Variants in SLC25A21 observed in about 807,000 individuals in gnomAD.
SLC25A21 encodes mitochondrial 2-oxodicarboxylate carrier.
SLC25A21 carries 47 observed loss-of-function variants against 43.8 expected under a neutral mutation model. The ratio of observed to expected loss-of-function variants is 1.07; its 90% CI spans 0.85 to 1.37. The LOEUF is 1.37. Ranked by LOEUF, SLC25A21 falls within the 40% of genes most tolerant of loss-of-function variation. The pLI, the probability that SLC25A21 is intolerant of heterozygous loss-of-function variation, is 0.00. For synonymous variants in SLC25A21, 131 were observed against 121.3 expected, an observed-to-expected ratio of 1.08 and a Z score of -0.52; for missense variants, 352 against 350.2, an observed-to-expected ratio of 1.00 and a Z score of -0.04.
intron 1 of SLC25A21, among the ~76,000 whole-genome samples, chr14:37,047,263 G>T (rs1156745241): frequency 6.6e-6 from 1 of 152,140 alleles, no homozygotes; most frequent in African/African-American, 2.4e-5. Context: ...ACATGGACTG[G>T]GTGTCAAGTC....
intron 6 of SLC25A21, chr14:36,725,003 T>TA (rs1884534370): frequency 6.6e-6 from 1 of 152,236 alleles, no homozygotes; most frequent in South Asian, 2.1e-4. Context: ...AGCTCTAAAA[T>TA]AAAAAATGAA....
At chr14:36,876,904 GA>G (rs1434378267) in intron 1 of SLC25A21, among the ~76,000 whole-genome samples, 1 of 133,660 alleles carries the variant, frequency 7.5e-6, no homozygotes, top group African/African-American at 2.7e-5. Flanking sequence ...ATTATAGATA[GA>G]TAGATAGATA....
intron 2 of SLC25A21, among the ~76,000 whole-genome samples, chr14:36,827,730 T>C (rs1888887908): frequency 6.6e-6 from 1 of 152,160 alleles, no homozygotes; most frequent in Non-Finnish European, 1.5e-5. Flanking sequence ...ATTAAGAGAG[T>C]TAAAAGGTTA....
At chr14:36,741,560 T>G (rs1049408826) in intron 3 of SLC25A21, among the ~76,000 whole-genome samples, 1 of 152,176 alleles carries the variant, frequency 6.6e-6, no homozygotes, top group Non-Finnish European at 1.5e-5. Flanking sequence ...CTGCTGATAT[T>G]CATAATCAAA....
chr14:37,121,981 G>A (rs528236436), intron 1 of SLC25A21, among the ~76,000 whole-genome samples: 2 of 151,694 alleles, frequency 1.3e-5, no homozygotes, highest in South Asian at 4.2e-4. Context: ...CTCCCCTGAT[G>A]ATAGTCTCTC....
rs929282559 is a variant in SLC25A21, at chr14:36,957,679, T to C, written c.71-82675A>G. Among the ~76,000 whole-genome samples the C allele has an allele frequency of 6.6e-5, 10 of 152,346 alleles. No individual in the cohort carries two copies. In the East Asian group the frequency reaches 1.5e-3, roughly 23 times the overall value. Reference sequence around the variant, plus strand: ...TAAACAAAATTTGACTGATGAGGATTTCAAATGCAGCCGCTGGTGTAAATA... The same window carrying C: ...TAAACAAAATTTGACTGATGAGGATCTCAAATGCAGCCGCTGGTGTAAATA... On this transcript the variant is annotated intron_variant, in intron 1 of 9. Coordinates refer to ENST00000331299, the MANE Select transcript of SLC25A21 (RefSeq NM_030631.4).
intron 1 of SLC25A21, among the ~76,000 whole-genome samples, chr14:37,070,704 G>T (rs1318197002): frequency 1.3e-5 from 2 of 152,150 alleles, no homozygotes; most frequent in African/African-American, 4.8e-5. Flanking sequence ...CTGGTGCAGG[G>T]CATTACAAGG....
rs573814283 is a variant in SLC25A21 at position 37,103,235 on chromosome 14, C to T, written c.70+69046G>A. 1.8e-4 allele frequency among the ~76,000 whole-genome samples: 27 copies of T among 152,226 alleles called. No homozygotes were observed. In the South Asian group the frequency reaches 5.6e-3, roughly 32 times the overall value. On this transcript the variant is annotated intron_variant, in intron 1 of 9. Coordinates refer to ENST00000331299, the MANE Select transcript of SLC25A21 (RefSeq NM_030631.4). ...AAGGAATAGGCAGAGAAAAGATTTGCATATCTCTTCCTTTACCAAAGGATA... is the reference window on the plus strand; with the variant it reads ...AAGGAATAGGCAGAGAAAAGATTTGTATATCTCTTCCTTTACCAAAGGATA...
Position 37,161,831 on chromosome 14 carries a change from T to C in SLC25A21, c.70+10450A>G, listed in dbSNP as rs142736871. The stretch of plus-strand genomic sequence containing the variant: ...ACAAAAAATTAGCAAGGCATGGTGG[T>C]GGGCACCTGTAGTCCCAGCTACTCG... On this transcript the variant is annotated intron_variant, in intron 1 of 9. Coordinates refer to ENST00000331299, the MANE Select transcript of SLC25A21 (RefSeq NM_030631.4). Among the ~76,000 whole-genome samples the C allele has an allele frequency of 0.016, 2,497 of 151,626 alleles. 183 individuals are homozygous for C. In the East Asian group the frequency reaches 0.26, roughly 16 times the overall value.
At chr14:37,166,532 G>T (rs910015612) in intron 1 of SLC25A21, among the ~76,000 whole-genome samples, 4 of 152,218 alleles carry the variant, frequency 2.6e-5, no homozygotes, top group African/African-American at 9.6e-5. Flanking sequence ...GATTATTATA[G>T]TGCTTGCCTT....
chr14:37,060,112 C>T (rs900136299), intron 1 of SLC25A21, among the ~76,000 whole-genome samples: 8 of 151,360 alleles, frequency 5.3e-5, no homozygotes, highest in Non-Finnish European at 1.0e-4. Context: ...CCCAGTGTGA[C>T]GGTATTAGGA....
chr14:36,790,931 T>C (rs967433098), intron 3 of SLC25A21, among the ~76,000 whole-genome samples: 1 of 152,168 alleles, frequency 6.6e-6, no homozygotes, highest in African/African-American at 2.4e-5. Context: ...GAACGTGGCA[T>C]ATATCAATTT....
rs768162069 is a variant in SLC25A21 at position 37,009,227 on chromosome 14, C to T, written c.71-134223G>A. 1.2e-4 allele frequency among the ~76,000 whole-genome samples: 18 copies of T among 152,248 alleles called. 1 individual carries two copies. Among genetic ancestry groups the T allele is most frequent in the Non-Finnish European group, 1.9e-4 (13 of 68,028 alleles). The stretch of plus-strand genomic sequence containing the variant: ...TTAGGGCTGGCCACAGTGGCTCACA[C>T]CTGTAATCCCAGCACTTTGGGAGGC... On this transcript the variant is annotated intron_variant, in intron 1 of 9. Transcript: ENST00000331299.
chr14:36,710,411 C>T (rs982422925), intron 7 of SLC25A21, among the ~76,000 whole-genome samples: 13 of 150,336 alleles, frequency 8.6e-5, no homozygotes, highest in Admixed American at 4.7e-4. Flanking sequence ...AAAAAGGAAA[C>T]GGGGAAAAAA....
chr14:36,679,302 AT>A lies in SLC25A21; in HGVS notation c.*1355del, dbSNP rs1248722538. 7.2e-6 allele frequency: 7 copies of A among 974,410 alleles called. No individual in the cohort carries two copies. In the African/African-American group the frequency reaches 1.2e-4, roughly 17 times the overall value. The allele number at this position is 974,410 out of a possible 1,614,324, so 60.4% of individuals were successfully genotyped here. A position where few individuals can be genotyped will look rare whatever the true frequency, so the allele number is the denominator to read the frequency against. ...AGAAGGCTATGTATGTATATACAGT[AT>A]GTCAAAAGCCTTTTATTTTTATACT... On this transcript the variant is annotated 3_prime_UTR_variant, in exon 10 of 10. Transcript: ENST00000331299.
intron 1 of SLC25A21, among the ~76,000 whole-genome samples, chr14:37,100,402 C>A (rs1962795031): frequency 6.6e-6 from 1 of 152,126 alleles, no homozygotes; most frequent in Non-Finnish European, 1.5e-5. Flanking sequence ...TCTTACACAT[C>A]CTTCTTTGTC....
At chr14:36,759,971 A>T (rs907504077) in intron 3 of SLC25A21, among the ~76,000 whole-genome samples, 3 of 152,184 alleles carry the variant, frequency 2.0e-5, no homozygotes, top group African/African-American at 7.2e-5. Context: ...CATCTAAAAA[A>T]AAAATAGAAA....
chr14:36,951,943 A>G (rs1398687958), intron 1 of SLC25A21, among the ~76,000 whole-genome samples: 1 of 152,188 alleles, frequency 6.6e-6, no homozygotes, highest in Admixed American at 6.5e-5. Flanking sequence ...GGGCCAATAA[A>G]AGAGAATCAG....
At chr14:37,171,961 C>T (rs111622538) in intron 1 of SLC25A21, 1 of 381,124 alleles carries the variant, frequency 2.6e-6, no homozygotes. Context: ...AAATAGGTAG[C>T]AAGGCAAAAA....
Sources: gnomAD v4.1 joint callset for allele counts (sites outside exome capture counted in the v4.1 genomes callset) on GRCh38, gnomAD v4.1.1 for gene constraint, MANE v1.5 for transcripts, NCBI Gene and HGNC (gene_info 2026-07-23, HGNC 2026-07-21) for gene names.